ATP10B: variants seen among roughly 807,000 people sequenced by gnomAD.
The protein encoded by ATP10B is phospholipid-transporting ATPase VB.
A neutral mutation model predicts 141.2 loss-of-function variants in ATP10B; 122 were observed. The ratio of observed to expected loss-of-function variants is 0.86; its 90% CI spans 0.75 to 1.00. The LOEUF is 1.00. ATP10B is among the 50% of genes least tolerant of loss of function. ATP10B has a pLI of 0.00. For missense variants in ATP10B, 1,876 were observed against 1,825.3 expected, an observed-to-expected ratio of 1.03 and a Z score of -0.51; for synonymous variants, 685 against 692.0, an observed-to-expected ratio of 0.99 and a Z score of 0.16.
At chr5:160,855,206 C>T (rs568116925), upstream of ATP10B, among the ~76,000 whole-genome samples, 165 of 152,148 alleles carry the variant, frequency 1.1e-3, 1 homozygote, top group South Asian at 0.017. Context: ...TAAGAAACTG[C>T]GATATTCTTC....
chr5:160,640,663 C>T, intron 9 of ATP10B, 71 bp from the exon 10 acceptor site: 1 of 1,559,002 alleles, frequency 6.4e-7, no homozygotes, highest in Non-Finnish European at 8.7e-7. Flanking sequence ...TCCCTCAGCT[C>T]TTCTCACAGG....
At chr5:160,765,252 C>T (rs983871438) in intron 2 of ATP10B, among the ~76,000 whole-genome samples, 1 of 151,940 alleles carries the variant, frequency 6.6e-6, no homozygotes, top group African/African-American at 2.4e-5. Context: ...CAAAAAAAGG[C>T]CCACATAGTC....
intron 15 of ATP10B, among the ~76,000 whole-genome samples, chr5:160,618,699 T>C (rs1758162477): frequency 6.6e-6 from 1 of 152,214 alleles, no homozygotes. Context: ...TCCAGTTCCT[T>C]TATCTAATTC....
At chr5:160,666,739 A>C (rs1762341733) in intron 7 of ATP10B, among the ~76,000 whole-genome samples, 2 of 152,212 alleles carry the variant, frequency 1.3e-5, no homozygotes, top group African/African-American at 4.8e-5. Context: ...GCAAGGTCGC[A>C]AAGAGCAGCC....
chr5:160,670,920 A>G (rs1762651187), intron 6 of ATP10B, among the ~76,000 whole-genome samples: 1 of 151,998 alleles, frequency 6.6e-6, no homozygotes, highest in African/African-American at 2.4e-5. Flanking sequence ...TAATCCCAGC[A>G]CTTTGGGAGG....
At chr5:160,880,557 A>C in the ATP10B span, among the ~76,000 whole-genome samples, 1 of 152,222 alleles carries the variant, frequency 6.6e-6, no homozygotes, top group Non-Finnish European at 1.5e-5. Flanking sequence ...TAATCAAGAC[A>C]ATGTGGTACT....
chr5:160,743,110 T>A (rs903017210), intron 2 of ATP10B, among the ~76,000 whole-genome samples: 1 of 152,216 alleles, frequency 6.6e-6, no homozygotes, highest in South Asian at 2.1e-4. Flanking sequence ...CACAACCCTA[T>A]GGGACTGGCA....
chr5:160,889,166 A>G, the ATP10B span, among the ~76,000 whole-genome samples: 134 of 152,286 alleles, frequency 8.8e-4, no homozygotes, highest in African/African-American at 3.0e-3. Context: ...ATTGGTCCCA[A>G]TGCCCTCTCA....
chr5:160,574,157 C>T (rs1457946903), intron 24 of ATP10B, among the ~76,000 whole-genome samples: 6 of 152,118 alleles, frequency 3.9e-5, no homozygotes, highest in Non-Finnish European at 7.4e-5. Flanking sequence ...TGGCTGGGTG[C>T]GGTGGCTCAC....
At position 160,767,644 on chromosome 5, in the gene ATP10B, C is replaced by G. The variant is rs575469038; in HGVS notation, c.-331+17915G>C. Among the ~76,000 whole-genome samples the G allele has an allele frequency of 2.2e-4, 30 of 133,748 alleles. 2 individuals are homozygous for G. Among genetic ancestry groups the G allele is most frequent in the Non-Finnish European group, 3.3e-4 (20 of 61,406 alleles). 87.7% of individuals were successfully genotyped at this position (133,748 alleles called of 152,430 possible). A position where few individuals can be genotyped will look rare whatever the true frequency, so the allele number is the denominator to read the frequency against. ...GGGTCATGTGTGCAGAACCCCCCCC[C>G]CCAAAATAACAGGTTACTCTGACTG... On this transcript the variant is annotated intron_variant, in intron 2 of 25. Coordinates refer to ENST00000327245, the MANE Select transcript of ATP10B (RefSeq NM_025153.3).
chr5:160,652,933 AT>A (rs1760956763), intron 7 of ATP10B, among the ~76,000 whole-genome samples: 1 of 86,000 alleles, frequency 1.2e-5, no homozygotes, highest in African/African-American at 4.8e-5. Context: ...TATATTATAT[AT>A]ACATGTATAT....
intron 24 of ATP10B, among the ~76,000 whole-genome samples, chr5:160,577,138 C>T (rs1490460569): frequency 6.6e-6 from 1 of 152,182 alleles, no homozygotes; most frequent in Non-Finnish European, 1.5e-5. Flanking sequence ...GTGTGCCTGA[C>T]AGCAGCTTAA....
intron 22 of ATP10B, among the ~76,000 whole-genome samples, chr5:160,594,110 A>T (rs1756512971): frequency 6.6e-6 from 1 of 152,324 alleles, no homozygotes; most frequent in Admixed American, 6.5e-5. Context: ...GTTGAAATGA[A>T]GGAAAAAATG....
intron 6 of ATP10B, among the ~76,000 whole-genome samples, chr5:160,682,835 T>C (rs954972808): frequency 1.7e-4 from 26 of 151,646 alleles, no homozygotes; most frequent in Non-Finnish European, 2.4e-4. Flanking sequence ...GTCAGGAGAT[T>C]GAGACCATCC....
intron 3 of ATP10B, among the ~76,000 whole-genome samples, chr5:160,706,024 G>A (rs747718420): frequency 4.1e-4 from 63 of 152,224 alleles, no homozygotes; most frequent in Non-Finnish European, 7.8e-4. Context: ...AAGAGGGAGA[G>A]AGATGGGGGA....
rs554898101 is a variant in ATP10B at position 160,563,454 on chromosome 5, C to A, written c.*1999G>T. 3 of 152,192 alleles carry A rather than the reference C, an allele frequency of 2.0e-5. No homozygotes were observed. Among genetic ancestry groups the A allele is most frequent in the African/African-American group, 7.2e-5 (3 of 41,448 alleles). 9.4% of individuals were successfully genotyped at this position (152,192 alleles called of 1,614,324 possible). On this transcript the variant is annotated 3_prime_UTR_variant, in exon 26 of 26. Coordinates refer to ENST00000327245, the MANE Select transcript of ATP10B (RefSeq NM_025153.3). ...TCAGAGTGTTGGCTATAGTTTGGAA[C>A]TTAGGAACAGGATCAGACATTATTT... is the stretch of plus-strand genomic sequence containing the variant.
At chr5:160,787,536 G>A (rs1459912302) in intron 1 of ATP10B, among the ~76,000 whole-genome samples, 1 of 152,192 alleles carries the variant, frequency 6.6e-6, no homozygotes, top group Non-Finnish European at 1.5e-5. Flanking sequence ...TGGCACTGCT[G>A]TGAGACTTTT....
intron 1 of ATP10B, among the ~76,000 whole-genome samples, chr5:160,823,258 A>T (rs1312886749): frequency 6.6e-6 from 1 of 151,966 alleles, no homozygotes; most frequent in African/African-American, 2.4e-5. Flanking sequence ...GTGGAGCTGG[A>T]AACCATTATC....
At chr5:160,643,477 C>T (rs371927443) in intron 9 of ATP10B, among the ~76,000 whole-genome samples, 5 of 152,288 alleles carry the variant, frequency 3.3e-5, no homozygotes, top group East Asian at 3.9e-4. Context: ...GTGTTAAGTA[C>T]TAGAGATACA....
Sources: gnomAD v4.1 joint callset for allele counts (sites outside exome capture counted in the v4.1 genomes callset) on GRCh38, gnomAD v4.1.1 for gene constraint, MANE v1.5 for transcripts, NCBI Gene and HGNC (gene_info 2026-07-23, HGNC 2026-07-21) for gene names.